The following YEATS4 variants were observed in gnomAD, a reference collection of about 807,000 sequenced individuals.
YEATS4 encodes the protein YEATS domain-containing protein 4.
In YEATS4, 17 loss-of-function variants were observed where a neutral mutation model predicts 30.1. That is an observed-to-expected ratio of 0.56 (90% CI 0.39 to 0.85). YEATS4 has a LOEUF of 0.85. YEATS4 is among the 40% of genes least tolerant of loss of function. The pLI is 0.00. For missense variants in YEATS4, 142 were observed against 268.3 expected (o/e 0.53, Z 3.29); for synonymous variants, 85 against 87.5 (o/e 0.97, Z 0.16).
chr12:69,408,976 G>A, the YEATS4 span, among the ~76,000 whole-genome samples: 1 of 152,148 alleles, frequency 6.6e-6, no homozygotes, highest in Non-Finnish European at 1.5e-5. Context: ...ACTTGAGTAG[G>A]TTACTGGATT....
chr12:69,365,179 G>T (rs1235460007), intron 2 of YEATS4, among the ~76,000 whole-genome samples: 1 of 152,016 alleles, frequency 6.6e-6, no homozygotes, highest in East Asian at 1.9e-4. Flanking sequence ...GCCAGGTGCG[G>T]TGGCTCACGC....
chr12:69,424,950 G>A, the YEATS4 span, among the ~76,000 whole-genome samples: 25 of 152,068 alleles, frequency 1.6e-4, no homozygotes, highest in African/African-American at 5.5e-4. Flanking sequence ...ACGGAGTTTT[G>A]CTCTTGTTGC....
At chr12:69,377,831 A>G (rs1875927883) in intron 6 of YEATS4, among the ~76,000 whole-genome samples, 1 of 152,160 alleles carries the variant, frequency 6.6e-6, no homozygotes, top group Admixed American at 6.5e-5. Context: ...ATTTGATGAA[A>G]TGTTCTGTAA....
intron 6 of YEATS4, among the ~76,000 whole-genome samples, chr12:69,379,846 T>TA (rs61511838): frequency 0.059 from 8,986 of 152,164 alleles, 389 homozygotes; most frequent in African/African-American, 0.12. Flanking sequence ...TCAAGCCCAC[T>TA]AATTCTTTGT....
the YEATS4 span, among the ~76,000 whole-genome samples, chr12:69,420,414 G>A: frequency 2.0e-5 from 3 of 151,302 alleles, no homozygotes; most frequent in Non-Finnish European, 4.4e-5. Flanking sequence ...TTAGGGGGAG[G>A]GGGACAGAGG....
chr12:69,378,527 G>T (rs550337740), intron 6 of YEATS4, among the ~76,000 whole-genome samples: 5 of 151,616 alleles, frequency 3.3e-5, no homozygotes, highest in African/African-American at 1.2e-4. Context: ...TTATTTTTGT[G>T]TTTCTCTTTT....
At chr12:69,426,084 A>G in the YEATS4 span, among the ~76,000 whole-genome samples, 1 of 152,254 alleles carries the variant, frequency 6.6e-6, no homozygotes, top group South Asian at 2.1e-4. Flanking sequence ...AAGAAAAACA[A>G]ACAAAAAATT....
At chr12:69,384,907 A>T (rs1163846261) in intron 6 of YEATS4, among the ~76,000 whole-genome samples, 2 of 152,226 alleles carry the variant, frequency 1.3e-5, no homozygotes, top group East Asian at 3.8e-4. Context: ...AGAATAAGAG[A>T]TCACCAGTAA....
At chr12:69,385,694 A>C (rs867237185) in intron 6 of YEATS4, among the ~76,000 whole-genome samples, 12 of 152,338 alleles carry the variant, frequency 7.9e-5, no homozygotes, top group Middle Eastern at 3.4e-3. Flanking sequence ...ATTATGGAGT[A>C]TATTGGAAGT....
At chr12:69,408,507 T>C in the YEATS4 span, among the ~76,000 whole-genome samples, 1 of 151,852 alleles carries the variant, frequency 6.6e-6, no homozygotes, top group Admixed American at 6.5e-5. Context: ...TGCATGCATG[T>C]GTTTGAAGTT....
chr12:69,424,115 C>G, the YEATS4 span, among the ~76,000 whole-genome samples: 1 of 152,116 alleles, frequency 6.6e-6, no homozygotes, highest in Admixed American at 6.5e-5. Flanking sequence ...AGAATAAAGA[C>G]CCTGGATTCT....
the YEATS4 span, among the ~76,000 whole-genome samples, chr12:69,411,168 C>T: frequency 2.6e-5 from 4 of 152,102 alleles, no homozygotes; most frequent in African/African-American, 7.2e-5. Flanking sequence ...CTCACTGTGT[C>T]GCCCAATCTG....
chr12:69,396,140 A>G, the YEATS4 span, among the ~76,000 whole-genome samples: 78 of 152,246 alleles, frequency 5.1e-4, no homozygotes, highest in Non-Finnish European at 9.4e-4. Context: ...TCTACCCTCA[A>G]CACGGCTTCA....
At chr12:69,417,153 A>ATTT in the YEATS4 span, among the ~76,000 whole-genome samples, 42 of 136,434 alleles carry the variant, frequency 3.1e-4, 2 homozygotes, top group African/African-American at 1.1e-3. Flanking sequence ...ATTTTTTAAA[A>ATTT]ATTTTTTTTT....
downstream of YEATS4, among the ~76,000 whole-genome samples, chr12:69,391,293 C>CAA (rs1195261907): frequency 3.7e-5 from 4 of 108,430 alleles, no homozygotes; most frequent in Admixed American, 9.7e-5. Flanking sequence ...GACTTCATCT[C>CAA]AAAAAAAAAA....
chr12:69,385,678 A>T (rs1448617345), intron 6 of YEATS4, among the ~76,000 whole-genome samples: 4 of 152,216 alleles, frequency 2.6e-5, no homozygotes, highest in Non-Finnish European at 5.9e-5. Context: ...TATAGAGAGA[A>T]TATTTATTAT....
At chr12:69,424,049 G>C in the YEATS4 span, among the ~76,000 whole-genome samples, 1 of 152,062 alleles carries the variant, frequency 6.6e-6, no homozygotes, top group South Asian at 2.1e-4. Flanking sequence ...GATCATTTTG[G>C]AATCATGAGG....
At chr12:69,385,224 C>T (rs1264273525) in intron 6 of YEATS4, among the ~76,000 whole-genome samples, 1 of 151,572 alleles carries the variant, frequency 6.6e-6, no homozygotes, top group Non-Finnish European at 1.5e-5. Context: ...CCTCAGACTC[C>T]TAAAGTACTG....
At chr12:69,388,064 T>TA (rs1491220530) in intron 6 of YEATS4, among the ~76,000 whole-genome samples, 9 of 14,692 alleles carry the variant, frequency 6.1e-4, no homozygotes, top group East Asian at 4.9e-3. Context: ...TTTATTTTTA[T>TA]TTTTTTTTTT....
Sources: gnomAD v4.1 joint callset for allele counts (sites outside exome capture counted in the v4.1 genomes callset) on GRCh38, gnomAD v4.1.1 for gene constraint, MANE v1.5 for transcripts, NCBI Gene and HGNC (gene_info 2026-07-23, HGNC 2026-07-21) for gene names.